PKNOX1: variants seen among roughly 807,000 people sequenced by gnomAD.
The protein encoded by PKNOX1 is homeobox protein PKNOX1.
A neutral mutation model predicts 51.9 loss-of-function variants in PKNOX1; 15 were observed. That is an observed-to-expected ratio of 0.29 (90% CI 0.19 to 0.45). The LOEUF is 0.45. PKNOX1 is among the 20% of genes least tolerant of loss of function. The pLI is 1.00. For synonymous variants in PKNOX1, 219 were observed against 211.1 expected (o/e 1.04, Z -0.32); for missense variants, 462 against 547.5 (o/e 0.84, Z 1.56).
At chr21:42,996,926 G>A (rs1467494544) in intron 1 of PKNOX1, among the ~76,000 whole-genome samples, 1 of 151,648 alleles carries the variant, frequency 6.6e-6, no homozygotes, top group East Asian at 1.9e-4. Context: ...TGTCATCCCG[G>A]CTGGAGTGCA....
intron 1 of PKNOX1, among the ~76,000 whole-genome samples, chr21:42,978,375 G>C (rs1055760613): frequency 6.6e-6 from 1 of 151,724 alleles, no homozygotes; most frequent in Non-Finnish European, 1.5e-5. Context: ...GTTCTGAGAG[G>C]TGATTTAAAA....
At chr21:42,987,858 T>TCCA (rs1342818098) in intron 1 of PKNOX1, among the ~76,000 whole-genome samples, 1 of 151,970 alleles carries the variant, frequency 6.6e-6, no homozygotes, top group Non-Finnish European at 1.5e-5. Context: ...GACCTCGTGA[T>TCCA]CCACCCGTCT....
chr21:43,030,016 T>C lies in PKNOX1; in HGVS notation c.1226T>C (p.Val409Ala). Residue 409 changes from valine to alanine, a missense_variant, in exon 11 of 11, where the codon GTG becomes GCG. Val to Ala is a moderately conservative substitution (Grantham distance 64). This residue lies in a region of PKNOX1 where 118 missense variants were observed against 116.8 expected (regional missense o/e 1.01). Transcript: ENST00000291547. Reference sequence around the variant, plus strand: ...GCAGGGCAGAGCGAGGACGAGTCTGTGGACAGCACAGAGGAGGATGCGGGT... The same window carrying C: ...GCAGGGCAGAGCGAGGACGAGTCTGCGGACAGCACAGAGGAGGATGCGGGT... ...MMAGQSEDES[V>A]DSTEEDAGAL... 1.9e-6 allele frequency: 3 copies of C among 1,614,038 alleles called. No homozygotes were observed. Among genetic ancestry groups the C allele is most frequent in the Non-Finnish European group, 2.5e-6 (3 of 1,180,028 alleles).
At chr21:42,985,328 TTTTG>T (rs374868621) in intron 1 of PKNOX1, among the ~76,000 whole-genome samples, 52 of 152,050 alleles carry the variant, frequency 3.4e-4, no homozygotes, top group East Asian at 2.5e-3. Flanking sequence ...GTTTTTTGGT[TTTTG>T]TTTGTTTGTT....
intron 7 of PKNOX1, 42 bp downstream of exon 7, chr21:43,018,272 G>A (rs1979590933): frequency 8.0e-7 from 1 of 1,254,802 alleles, no homozygotes; most frequent in Non-Finnish European, 1.2e-6. Context: ...GGCGAGTGCT[G>A]CCCACATAGG....
rs374373098 is a variant in PKNOX1 at position 42,975,566 on chromosome 21, T to G, written c.-57+902T>G. ...AAAATGAAGAAACGCGGAGTCTGCT[T>G]TATGTCATCCTCGTGGCTCTCGAAA... On this transcript the variant is annotated intron_variant, in intron 1 of 10. Transcript: ENST00000291547. Among the ~76,000 whole-genome samples, 8 of 152,332 alleles carry G rather than the reference T, an allele frequency of 5.3e-5. No homozygotes were observed. In the South Asian group the frequency reaches 6.2e-4, roughly 12 times the overall value.
intron 1 of PKNOX1, among the ~76,000 whole-genome samples, chr21:42,979,875 T>C (rs2059017968): frequency 6.6e-6 from 1 of 152,224 alleles, no homozygotes; most frequent in African/African-American, 2.4e-5. Flanking sequence ...GAAGGATGCT[T>C]TTCACTTCAG....
At chr21:42,989,283 C>T (rs966236537) in intron 1 of PKNOX1, among the ~76,000 whole-genome samples, 3 of 151,520 alleles carry the variant, frequency 2.0e-5, no homozygotes, top group African/African-American at 7.3e-5. Flanking sequence ...CCGGCCTATC[C>T]CCAACCTGTT....
At chr21:43,023,467 G>T (rs982956985) in intron 8 of PKNOX1, among the ~76,000 whole-genome samples, 3 of 152,066 alleles carry the variant, frequency 2.0e-5, no homozygotes, top group African/African-American at 7.2e-5. Flanking sequence ...TTGGGTCCTT[G>T]TTGATCCCAA....
At chr21:42,990,624 G>T (rs1358244684) in intron 1 of PKNOX1, among the ~76,000 whole-genome samples, 6 of 152,144 alleles carry the variant, frequency 3.9e-5, no homozygotes, top group African/African-American at 1.2e-4. Context: ...ACGTTCATTG[G>T]CTGGGGCTCC....
intron 1 of PKNOX1, among the ~76,000 whole-genome samples, chr21:42,994,919 T>TTC (rs1491515196): frequency 2.3e-3 from 8 of 3,532 alleles, no homozygotes; most frequent in Non-Finnish European, 3.5e-3. Context: ...TTCTTTCTTC[T>TTC]TTTTTTTTTT....
At chr21:42,998,766 G>C (rs1389745393) in intron 1 of PKNOX1, among the ~76,000 whole-genome samples, 1 of 152,212 alleles carries the variant, frequency 6.6e-6, no homozygotes, top group Non-Finnish European at 1.5e-5. Context: ...GATGGAAGAG[G>C]TGGGTTCCCA....
intron 1 of PKNOX1, among the ~76,000 whole-genome samples, chr21:42,997,207 C>A (rs1978544440): frequency 6.6e-6 from 1 of 152,084 alleles, no homozygotes; most frequent in South Asian, 2.1e-4. Flanking sequence ...TCATTTTTCC[C>A]AAGCAAACTA....
chr21:43,018,735 C>T (rs1022470305), intron 7 of PKNOX1, among the ~76,000 whole-genome samples: 2 of 151,906 alleles, frequency 1.3e-5, no homozygotes, highest in African/African-American at 4.8e-5. Flanking sequence ...AGTGCAGTGG[C>T]GCTATCTCTG....
intron 8 of PKNOX1, among the ~76,000 whole-genome samples, chr21:43,022,230 G>C (rs1174670660): frequency 2.6e-5 from 4 of 152,186 alleles, no homozygotes; most frequent in Non-Finnish European, 4.4e-5. Flanking sequence ...CTCCTCCTCG[G>C]CCTTCTGCAC....
intron 6 of PKNOX1, 177 bp downstream of exon 6, chr21:43,017,184 T>A: frequency 2.4e-6 from 1 of 416,008 alleles, no homozygotes; most frequent in Non-Finnish European, 4.3e-6. Flanking sequence ...ACAAATATTT[T>A]ATGCAGATTG....
At chr21:43,025,733 A>G (rs1227112214) in intron 9 of PKNOX1, among the ~76,000 whole-genome samples, 1 of 152,238 alleles carries the variant, frequency 6.6e-6, no homozygotes, top group African/African-American at 2.4e-5. Context: ...TGGCATGCAT[A>G]AAAGAAGAAA....
At chr21:43,024,647 C>A (rs528952972) in intron 8 of PKNOX1, 2 of 494,948 alleles carry the variant, frequency 4.0e-6, no homozygotes, top group Non-Finnish European at 7.2e-6. Flanking sequence ...ACGTGGGGGG[C>A]GGTCTGCCTT....
chr21:43,000,928 G>A (rs1349752368), intron 1 of PKNOX1, among the ~76,000 whole-genome samples: 1 of 152,182 alleles, frequency 6.6e-6, no homozygotes, highest in African/African-American at 2.4e-5. Context: ...GACTGGAAGA[G>A]GGAAGACTAG....
Sources: gnomAD v4.1 joint callset for allele counts (sites outside exome capture counted in the v4.1 genomes callset) on GRCh38, gnomAD v4.1.1 for gene constraint, gnomAD v4.1.1 regional missense constraint, MANE v1.5 for transcripts, NCBI Gene and HGNC (gene_info 2026-07-23, HGNC 2026-07-21) for gene names.